SCRT1: variants seen among roughly 807,000 people sequenced by gnomAD.
SCRT1 encodes transcriptional repressor scratch 1.
A neutral mutation model predicts 3.4 loss-of-function variants in SCRT1; 1 was observed. The ratio of observed to expected loss-of-function variants is 0.29; its 90% CI spans 0.10 to 1.39. The LOEUF is 1.39. Among genes scored for constraint, SCRT1 ranks in the 40% most tolerant of loss-of-function variants. The pLI, the probability that SCRT1 is intolerant of heterozygous loss-of-function variation, is 0.42. For synonymous variants in SCRT1, 238 were observed against 247.0 expected, an observed-to-expected ratio of 0.96 and a Z score of 0.34; for missense variants, 380 against 526.3, an observed-to-expected ratio of 0.72 and a Z score of 2.72.
chr8:144,336,454 C>T lies in SCRT1; in HGVS notation c.-285G>A, dbSNP rs1375446717. Among the ~76,000 whole-genome samples the T allele has an allele frequency of 1.3e-5, 2 of 152,082 alleles. No homozygotes were observed. The highest frequency in any genetic ancestry group is 2.9e-5 in the Non-Finnish European group (2 of 67,988). On this transcript the variant is annotated 5_prime_UTR_variant, in exon 1 of 2. Transcript: ENST00000569446. This position sits in a 1 kb window ranked among gnomAD's most constrained non-coding sequence, Gnocchi z 6.8. ...CTCCTCTCCTCTTCCTTCCTTCCCT[C>T]CTCTGGTCCCGGCTTCCCAGCCCGC...
rs1024674213 is a variant in SCRT1 at position 144,332,665 on chromosome 8, C to T, written c.*520G>A. On this transcript the variant is annotated 3_prime_UTR_variant, in exon 2 of 2. Transcript: ENST00000569446. ...GCGTCTAACACTGCCGGGAGTTCCGCGAAGGCTGCTAGGCAGGGGCGTCCC... is the reference window on the plus strand; with the variant it reads ...GCGTCTAACACTGCCGGGAGTTCCGTGAAGGCTGCTAGGCAGGGGCGTCCC... 2.6e-5 allele frequency: 4 copies of T among 152,612 alleles called. No individual in the cohort carries two copies. Among genetic ancestry groups the T allele is most frequent in the Non-Finnish European group, 5.9e-5 (4 of 68,084 alleles). The allele number at this position is 152,612 out of a possible 1,614,324, so 9.5% of individuals were successfully genotyped here.
In SCRT1 at chr8:144,336,266, C is replaced by A; in HGVS notation, c.-97G>T. On this transcript the variant is annotated 5_prime_UTR_variant, in exon 1 of 2. Transcript: ENST00000569446. This position sits in a 1 kb window ranked among gnomAD's most constrained non-coding sequence, Gnocchi z 6.8. ...GTCACCATCCGAGGAGCGGCGGAGG[C>A]AGCGCGGGTCCCCACTCTGGCCTTT... The A allele has an allele frequency of 1.1e-6, 1 of 887,198 alleles. No homozygotes were observed. Among genetic ancestry groups the A allele is most frequent in the Non-Finnish European group, 1.7e-6 (1 of 589,810 alleles). The allele number at this position is 887,198 out of a possible 1,614,324, so 55.0% of individuals were successfully genotyped here.
chr8:144,331,449 T>G lies in SCRT1; in HGVS notation c.*1736A>C, dbSNP rs1262968908. On this transcript the variant is annotated 3_prime_UTR_variant, in exon 2 of 2. Coordinates refer to ENST00000569446, the MANE Select transcript of SCRT1 (RefSeq NM_031309.6). ...GGTGGGGAGGAGTGTAGGGGGCATG[T>G]GAACCTAGGGACCTGGTCTCTCTGC... 6.6e-6 allele frequency: 1 copy of G among 152,428 alleles called. No homozygotes were observed. The highest frequency in any genetic ancestry group is 1.5e-5 in the Non-Finnish European group (1 of 68,224). The allele number at this position is 152,428 out of a possible 1,614,324, so 9.4% of individuals were successfully genotyped here.
In SCRT1 at chr8:144,332,477, C is replaced by A. The variant is rs1461118903; in HGVS notation, c.*708G>T. ...TAAGTCCATGCGATTCGATATGTGT[C>A]ATTATTATTCGATATGGAGGACAGA... On this transcript the variant is annotated 3_prime_UTR_variant, in exon 2 of 2. Coordinates refer to ENST00000569446, the MANE Select transcript of SCRT1 (RefSeq NM_031309.6). 6.6e-6 allele frequency: 1 copy of A among 152,362 alleles called. No homozygotes were observed. The highest frequency in any genetic ancestry group is 6.5e-5 in the Admixed American group (1 of 15,272). The allele number at this position is 152,362 out of a possible 1,614,324, so 9.4% of individuals were successfully genotyped here. A position where few individuals can be genotyped will look rare whatever the true frequency, so the allele number is the denominator to read the frequency against.
In SCRT1 at chr8:144,332,363, G is replaced by A. The variant is rs1373410984; in HGVS notation, c.*822C>T. ...GCCCAGGCCTGCCTGCCGGCCCCGGGAATCCGTCCTCCAACACGAATGCCT... is the reference window on the plus strand; with the variant it reads ...GCCCAGGCCTGCCTGCCGGCCCCGGAAATCCGTCCTCCAACACGAATGCCT... On this transcript the variant is annotated 3_prime_UTR_variant, in exon 2 of 2. Coordinates refer to ENST00000569446, the MANE Select transcript of SCRT1 (RefSeq NM_031309.6). 1.5e-5 allele frequency: 2 copies of A among 129,374 alleles called. No individual in the cohort carries two copies. Among genetic ancestry groups the A allele is most frequent in the Admixed American group, 9.1e-5 (1 of 10,962 alleles). 8.0% of individuals were successfully genotyped at this position (129,374 alleles called of 1,614,324 possible).
rs556236717 is a variant in SCRT1 at position 144,335,950 on chromosome 8, T to C, written c.115+105A>G. ...CAGACTCTTGCCGTTTCTGGTTCCC[T>C]TCAGTCTGTTTCCCCGGGCCCTGCC... On this transcript the variant is annotated intron_variant, in intron 1 of 1. Transcript: ENST00000569446. This position sits in a 1 kb window ranked among gnomAD's most constrained non-coding sequence, Gnocchi z 7.7. 1 of 758,430 alleles carries C rather than the reference T, an allele frequency of 1.3e-6. No individual in the cohort carries two copies. The highest frequency in any genetic ancestry group is 2.0e-5 in the South Asian group (1 of 50,582). 47.0% of individuals were successfully genotyped at this position (758,430 alleles called of 1,614,324 possible).
At chr8:144,334,668 T>C (rs1817859878) in intron 1 of SCRT1, among the ~76,000 whole-genome samples, 1 of 151,972 alleles carries the variant, frequency 6.6e-6, no homozygotes, top group South Asian at 2.1e-4. Flanking sequence ...GTTGACCCCC[T>C]CTGGCCTTCT....
Position 144,333,697 on chromosome 8 carries a change from G to C in SCRT1, c.535C>G (p.Arg179Gly), listed in dbSNP as rs1588694566. The change falls in exon 2 of 2, where the codon CGC (arginine) becomes GGC (glycine). Residue 179 changes from arginine (R) to glycine (G), a missense_variant. Physicochemically the swap from Arg to Gly is moderately radical, Grantham distance 125. Coordinates refer to ENST00000569446, the MANE Select transcript of SCRT1 (RefSeq NM_031309.6). ...GTRAGAGTEA[R>G]AGPGAAGAGG... The stretch of plus-strand genomic sequence containing the variant: ...GCACCTGCGGCCCCTGGCCCCGCGC[G>C]CGCCTCGGTGCCTGCCCCCGCGCGC... 1 of 1,369,502 alleles carries C rather than the reference G, an allele frequency of 7.3e-7. No homozygotes were observed. Among genetic ancestry groups the C allele is most frequent in the Non-Finnish European group, 9.4e-7 (1 of 1,066,944 alleles). The allele number at this position is 1,369,502 out of a possible 1,614,324, so 84.8% of individuals were successfully genotyped here.
Position 144,331,622 on chromosome 8 carries a change from C to G in SCRT1, c.*1563G>C, listed in dbSNP as rs1817755076. On this transcript the variant is annotated 3_prime_UTR_variant, in exon 2 of 2. Transcript: ENST00000569446. ...ATGAACGGTCAGTGAATGATTAATG[C>G]CTGAAGGAGGGGTCTTGGGGGCAAC... The G allele has an allele frequency of 1.3e-5, 2 of 152,254 alleles. No individual in the cohort carries two copies. Among genetic ancestry groups the G allele is most frequent in the African/African-American group, 4.8e-5 (2 of 41,452 alleles). 9.4% of individuals were successfully genotyped at this position (152,254 alleles called of 1,614,324 possible).
rs938416113 is a variant in SCRT1, at chr8:144,336,237, C to T, written c.-68G>A. 16 of 1,203,542 alleles carry T rather than the reference C, an allele frequency of 1.3e-5. No homozygotes were observed. The highest frequency in any genetic ancestry group is 1.3e-5 in the Non-Finnish European group (11 of 863,556). The allele number at this position is 1,203,542 out of a possible 1,614,324, so 74.6% of individuals were successfully genotyped here. ...GCTTGGGGGGGCTGCGGCGGCAGGG[C>T]CCCGTCACCATCCGAGGAGCGGCGG... is the stretch of plus-strand genomic sequence containing the variant. On this transcript the variant is annotated 5_prime_UTR_variant, in exon 1 of 2. Transcript: ENST00000569446. This position sits in a 1 kb window ranked among gnomAD's most constrained non-coding sequence, Gnocchi z 6.8.
At position 144,333,235 on chromosome 8, in the gene SCRT1, C is replaced by A. The variant is rs889217405; in HGVS notation, c.997G>T (p.Gly333Ter). Residue 333 changes from glycine (G) to a stop codon, truncating the protein, a stop_gained, in exon 2 of 2, where the codon GGA becomes TGA. Coordinates refer to ENST00000569446, the MANE Select transcript of SCRT1 (RefSeq NM_031309.6). LOFTEE classifies it high-confidence loss of function. ...YESACFKGGAGGPAAPAPPQL... is the reference protein window; with the variant it reads ...YESACFKGGA ...GGCGGCGCAGGAGCCGCGGGGCCTC[C>A]GGCGCCGCCCTTGAAGCAGGCCGAC... 4 of 1,598,782 alleles carry A rather than the reference C, an allele frequency of 2.5e-6. No individual in the cohort carries two copies. The highest frequency in any genetic ancestry group is 3.4e-6 in the Non-Finnish European group (4 of 1,174,462).
chr8:144,335,040 A>T lies in SCRT1; in HGVS notation c.116-924T>A, dbSNP rs1554850178. 6.6e-6 allele frequency among the ~76,000 whole-genome samples: 1 copy of T among 152,064 alleles called. No individual in the cohort carries two copies. The highest frequency in any genetic ancestry group is 1.5e-5 in the Non-Finnish European group (1 of 68,010). ...AGATGGATCTCATAACCTCAAAGTC[A>T]CAAATGCACGCCCCTCGCGACGCTC... On this transcript the variant is annotated intron_variant, in intron 1 of 1. Coordinates refer to ENST00000569446, the MANE Select transcript of SCRT1 (RefSeq NM_031309.6). This position sits in a 1 kb window ranked among gnomAD's most constrained non-coding sequence, Gnocchi z 7.7.
In SCRT1 at chr8:144,335,942, T is replaced by C. The variant is rs556244202; in HGVS notation, c.115+113A>G. ...TCCAGCCACAGACTCTTGCCGTTTC[T>C]GGTTCCCTTCAGTCTGTTTCCCCGG... On this transcript the variant is annotated intron_variant, in intron 1 of 1. Transcript: ENST00000569446. The surrounding 1 kb of genome is among the most constrained non-coding windows in gnomAD (Gnocchi z 7.7). The C allele has an allele frequency of 4.2e-4, 294 of 701,892 alleles. 1 individual carries two copies. The highest frequency in any genetic ancestry group is 5.9e-4 in the Non-Finnish European group (258 of 439,224). 43.5% of individuals were successfully genotyped at this position (701,892 alleles called of 1,614,324 possible).
chr8:144,334,175 G>A, intron 1 of SCRT1, 59 bp from the exon 2 acceptor site: 1 of 961,400 alleles, frequency 1.0e-6, no homozygotes. Flanking sequence ...GGACACACAC[G>A]GGGGATGGGG....
rs986782921 is a variant in SCRT1 at position 144,335,943 on chromosome 8, G to A, written c.115+112C>T. The A allele has an allele frequency of 2.8e-5, 20 of 705,112 alleles. No individual in the cohort carries two copies. Among genetic ancestry groups the A allele is most frequent in the Non-Finnish European group, 3.8e-5 (17 of 442,628 alleles). The allele number at this position is 705,112 out of a possible 1,614,324, so 43.7% of individuals were successfully genotyped here. Reference sequence around the variant, plus strand: ...CCAGCCACAGACTCTTGCCGTTTCTGGTTCCCTTCAGTCTGTTTCCCCGGG... The same window carrying A: ...CCAGCCACAGACTCTTGCCGTTTCTAGTTCCCTTCAGTCTGTTTCCCCGGG... On this transcript the variant is annotated intron_variant, in intron 1 of 1. Transcript: ENST00000569446. The surrounding 1 kb of genome is among the most constrained non-coding windows in gnomAD (Gnocchi z 7.7).
chr8:144,333,241 C>T lies in SCRT1; in HGVS notation c.991G>A (p.Gly331Ser), dbSNP rs781866174. Residue 331 changes from glycine (G) to serine (S), a missense_variant, in exon 2 of 2, where the codon GGC (glycine) becomes AGC (serine). This residue lies in a region of SCRT1 where 67 missense variants were observed against 64.7 expected (regional missense o/e 1.04). Transcript: ENST00000569446. ...KHYESACFKGGAGGPAAPAPP... is the reference protein window; with the variant it reads ...KHYESACFKGSAGGPAAPAPP... ...GCAGGAGCCGCGGGGCCTCCGGCGC[C>T]GCCCTTGAAGCAGGCCGACTCGTAG... 1 of 1,604,384 alleles carries T rather than the reference C, an allele frequency of 6.2e-7. No homozygotes were observed. The highest frequency in any genetic ancestry group is 1.1e-5 in the South Asian group (1 of 89,910).
rs1243623222 is a variant in SCRT1 at position 144,335,094 on chromosome 8, C to G, written c.115+961G>C. Among the ~76,000 whole-genome samples, 2 of 152,218 alleles carry G rather than the reference C, an allele frequency of 1.3e-5. No individual in the cohort carries two copies. Among genetic ancestry groups the G allele is most frequent in the Non-Finnish European group, 2.9e-5 (2 of 68,046 alleles). On this transcript the variant is annotated intron_variant, in intron 1 of 1. Coordinates refer to ENST00000569446, the MANE Select transcript of SCRT1 (RefSeq NM_031309.6). This position sits in a 1 kb window ranked among gnomAD's most constrained non-coding sequence, Gnocchi z 7.7. ...CTCCTTCAGGGCTACACCCAGTCTC[C>G]CAGCATGATCAGCCCTTGTGTGCCC...
Position 144,333,916 on chromosome 8 carries a change from C to A in SCRT1, c.316G>T (p.Ala106Ser). The change falls in exon 2 of 2, where the codon GCG becomes TCG. Residue 106 changes from alanine (A) to serine (S), a missense_variant. By Grantham distance (99) the Ala-to-Ser change is moderately conservative (BLOSUM62 1). Transcript: ENST00000569446. ...GCCGCGTAGCCCTCGCTGACGGCCGCGTCGCCGTTGATGTAGCCGCCCGCA... is the reference window on the plus strand; with the variant it reads ...GCCGCGTAGCCCTCGCTGACGGCCGAGTCGCCGTTGATGTAGCCGCCCGCA... ...TAAGGYINGD[A>S]AVSEGYAADA... The A allele has an allele frequency of 7.6e-7, 1 of 1,308,844 alleles. No homozygotes were observed. Among genetic ancestry groups the A allele is most frequent in the Non-Finnish European group, 9.7e-7 (1 of 1,029,798 alleles). 81.1% of individuals were successfully genotyped at this position (1,308,844 alleles called of 1,614,324 possible). A position where few individuals can be genotyped will look rare whatever the true frequency, so the allele number is the denominator to read the frequency against.
chr8:144,336,221 G>A lies in SCRT1; in HGVS notation c.-52C>T. 13 of 1,349,980 alleles carry A rather than the reference G, an allele frequency of 9.6e-6. No homozygotes were observed. Among genetic ancestry groups the A allele is most frequent in the African/African-American group, 1.5e-5 (1 of 67,182 alleles). 83.6% of individuals were successfully genotyped at this position (1,349,980 alleles called of 1,614,324 possible). A position where few individuals can be genotyped will look rare whatever the true frequency, so the allele number is the denominator to read the frequency against. On this transcript the variant is annotated 5_prime_UTR_variant, in exon 1 of 2. Coordinates refer to ENST00000569446, the MANE Select transcript of SCRT1 (RefSeq NM_031309.6). The surrounding 1 kb of genome is among the most constrained non-coding windows in gnomAD (Gnocchi z 6.8). ...GGCCTGCGGAGCCGGGGCTTGGGGG[G>A]GCTGCGGCGGCAGGGCCCCGTCACC...
Sources: allele counts gnomAD v4.1 joint callset (sites outside exome capture counted in the v4.1 genomes callset), GRCh38; gene constraint gnomAD v4.1.1; regional missense constraint gnomAD v4.1.1; non-coding constraint Gnocchi (gnomAD v3.1); transcripts MANE v1.5; gene names NCBI Gene and HGNC (gene_info 2026-07-23, HGNC 2026-07-21).